The following ABCA13 variants were observed in gnomAD, a reference collection of about 807,000 sequenced individuals.
ABCA13 encodes the protein ATP-binding cassette sub-family A member 13.
Under a neutral mutation model 478.7 loss-of-function variants are expected in ABCA13, and 476 were observed. That is an observed-to-expected ratio of 0.99 (90% CI 0.92 to 1.07). The LOEUF (loss-of-function observed/expected upper bound fraction) is 1.07, where lower values mean the gene tolerates loss of function less well. ABCA13 is among the 50% of genes least tolerant of loss of function. The pLI, the probability that ABCA13 is intolerant of heterozygous loss-of-function variation, is 0.00. For synonymous variants in ABCA13, 2,252 were observed against 2,158.9 expected, an observed-to-expected ratio of 1.04 and a Z score of -1.20; for missense variants, 6,060 against 5,910.6, an observed-to-expected ratio of 1.03 and a Z score of -0.83.
At chr7:48,254,682 T>G (rs534765900) in intron 15 of ABCA13, among the ~76,000 whole-genome samples, 1 of 152,278 alleles carries the variant, frequency 6.6e-6, no homozygotes, top group East Asian at 1.9e-4. Context: ...TTTAATTCAG[T>G]CAGGAATTAA....
In ABCA13 at chr7:48,298,349, T is replaced by C. The variant is rs757000864; in HGVS notation, c.9200-17T>C. On this transcript the variant is annotated splice_polypyrimidine_tract_variant and intron_variant, in intron 22 of 61. Transcript: ENST00000435803. ...AAACCTTTATTACACAAATTTCTTA[T>C]TTTCCTTACTTTGCAGATGTAAAAA... is the stretch of plus-strand genomic sequence containing the variant. 1.3e-6 allele frequency: 2 copies of C among 1,593,192 alleles called. No individual in the cohort carries two copies. The highest frequency in any genetic ancestry group is 2.7e-5 in the African/African-American group (2 of 73,824).
At chr7:48,187,566 C>A (rs945790381) in intron 1 of ABCA13, among the ~76,000 whole-genome samples, 16 of 151,708 alleles carry the variant, frequency 1.1e-4, no homozygotes, top group African/African-American at 3.6e-4. Context: ...TTAGCTTTTG[C>A]GTCTTAATAT....
chr7:48,206,389 A>C (rs1329232846), intron 3 of ABCA13, among the ~76,000 whole-genome samples: 1 of 152,214 alleles, frequency 6.6e-6, no homozygotes, highest in African/African-American at 2.4e-5. Flanking sequence ...TAAGAGCAAT[A>C]GGCTACACCA....
chr7:48,566,443 G>A (rs1281027677), intron 55 of ABCA13, among the ~76,000 whole-genome samples: 18 of 152,176 alleles, frequency 1.2e-4, no homozygotes, highest in Non-Finnish European at 1.5e-5. Flanking sequence ...ATGGATGTGA[G>A]CATTTTCTAA....
In ABCA13 at chr7:48,467,015, A is replaced by G; in HGVS notation, c.12875A>G (p.Asp4292Gly). ...CTTCTGCGGAAGTTTAGAGATCAAGATTTGCCCTGTGCAGATTTAAACCCA... is the reference window on the plus strand; with the variant it reads ...CTTCTGCGGAAGTTTAGAGATCAAGGTTTGCCCTGTGCAGATTTAAACCCA... The part of the protein sequence containing the change: ...RVLLRKFRDQ[D>G]LPCADLNPRQ... Residue 4292 changes from aspartate to glycine, a missense_variant, in exon 44 of 62, where the codon GAT becomes GGT. Asp to Gly is a moderately conservative substitution (Grantham distance 94, BLOSUM62 -1). Coordinates refer to ENST00000435803, the MANE Select transcript of ABCA13 (RefSeq NM_152701.5). 1.2e-6 allele frequency: 2 copies of G among 1,613,972 alleles called. No individual in the cohort carries two copies. Among genetic ancestry groups the G allele is most frequent in the Non-Finnish European group, 8.5e-7 (1 of 1,179,882 alleles).
intron 55 of ABCA13, among the ~76,000 whole-genome samples, chr7:48,533,064 C>G (rs952613456): frequency 6.6e-6 from 1 of 151,792 alleles, no homozygotes; most frequent in Non-Finnish European, 1.5e-5. Flanking sequence ...GTTTGTTTCT[C>G]TAAGTCTTTG....
At chr7:48,462,540 ACT>A (rs1204255225) in intron 43 of ABCA13, among the ~76,000 whole-genome samples, 4 of 150,752 alleles carry the variant, frequency 2.7e-5, no homozygotes, top group African/African-American at 7.3e-5. Context: ...ACAGGGTCTC[ACT>A]CTGTTGACCA....
At chr7:48,436,216 G>A (rs1024644634) in intron 42 of ABCA13, among the ~76,000 whole-genome samples, 22 of 151,570 alleles carry the variant, frequency 1.5e-4, no homozygotes, top group Non-Finnish European at 3.0e-4. Flanking sequence ...CTAGTTATAG[G>A]TTTACTCAGA....
intron 1 of ABCA13, 145 bp from the exon 2 acceptor site, chr7:48,192,814 A>T: frequency 4.7e-6 from 3 of 632,252 alleles, no homozygotes; most frequent in Non-Finnish European, 8.1e-6. Context: ...ATGATAAATG[A>T]ACTAGGCCTT....
intron 2 of ABCA13, among the ~76,000 whole-genome samples, chr7:48,197,126 AC>A (rs1236652667): frequency 2.6e-5 from 4 of 152,304 alleles, no homozygotes; most frequent in African/African-American, 9.6e-5. Context: ...GCTTGTGATC[AC>A]CTATGGTTTG....
At chr7:48,238,715 G>A (rs188727629) in intron 8 of ABCA13, among the ~76,000 whole-genome samples, 10 of 152,104 alleles carry the variant, frequency 6.6e-5, no homozygotes, top group Non-Finnish European at 1.0e-4. Context: ...TGATCCACCC[G>A]CCTCGGCCTC....
At chr7:48,565,522 A>T (rs144450946) in intron 55 of ABCA13, among the ~76,000 whole-genome samples, 1 of 151,934 alleles carries the variant, frequency 6.6e-6, no homozygotes, top group East Asian at 1.9e-4. Context: ...ATAGGTGTGT[A>T]TGTGTGTGTG....
At chr7:48,280,640 G>T (rs1796912757) in intron 18 of ABCA13, among the ~76,000 whole-genome samples, 1 of 151,998 alleles carries the variant, frequency 6.6e-6, no homozygotes, top group Admixed American at 6.6e-5. Flanking sequence ...TTCCTCTCTG[G>T]CCCACATGGA....
chr7:48,584,158 A>G (rs1158680541), intron 56 of ABCA13, among the ~76,000 whole-genome samples: 1 of 152,146 alleles, frequency 6.6e-6, no homozygotes, highest in Non-Finnish European at 1.5e-5. Context: ...TGTATGGCTA[A>G]TCTTTGAATA....
intron 5 of ABCA13, among the ~76,000 whole-genome samples, chr7:48,225,415 T>C (rs1788067640): frequency 3.9e-5 from 6 of 152,142 alleles, no homozygotes; most frequent in Admixed American, 2.6e-4. Context: ...AACAAGGTCA[T>C]TCTTGAACAT....
chr7:48,632,234 A>G (rs2131641228), intron 59 of ABCA13, among the ~76,000 whole-genome samples: 1 of 152,136 alleles, frequency 6.6e-6, no homozygotes, highest in South Asian at 2.1e-4. Flanking sequence ...TACTTGTTTT[A>G]TGAGTCTGGG....
intron 55 of ABCA13, among the ~76,000 whole-genome samples, chr7:48,571,943 C>T (rs773124014): frequency 2.0e-4 from 30 of 151,982 alleles, no homozygotes; most frequent in Admixed American, 8.5e-4. Flanking sequence ...TGTGGGAGGC[C>T]GAGGTGGATG....
intron 39 of ABCA13, 104 bp from the exon 40 acceptor site, chr7:48,410,416 G>A (rs1818850930): frequency 1.4e-6 from 2 of 1,401,856 alleles, no homozygotes; most frequent in African/African-American, 2.9e-5. Flanking sequence ...AATTGGTGAG[G>A]ATCTTTAAAT....
In ABCA13 at chr7:48,483,178, T is replaced by C; in HGVS notation, c.13182+15T>C. 1 of 1,599,766 alleles carries C rather than the reference T, an allele frequency of 6.3e-7. No individual in the cohort carries two copies. The highest frequency in any genetic ancestry group is 8.5e-7 in the Non-Finnish European group (1 of 1,171,902). On this transcript the variant is annotated intron_variant, in intron 47 of 61. Coordinates refer to ENST00000435803, the MANE Select transcript of ABCA13 (RefSeq NM_152701.5). ...CTCTGGCAAAGGTAATCATATTTTT[T>C]TATTTTTTTCCTGTTTTAGAAAGTA...
Sources: allele counts gnomAD v4.1 joint callset (sites outside exome capture counted in the v4.1 genomes callset), GRCh38; gene constraint gnomAD v4.1.1; transcripts MANE v1.5; gene names NCBI Gene and HGNC (gene_info 2026-07-23, HGNC 2026-07-21).